FRY: variants seen among roughly 807,000 people sequenced by gnomAD.
FRY encodes the protein protein furry homolog.
Under a neutral mutation model 348.4 loss-of-function variants are expected in FRY, and 128 were observed. The ratio of observed to expected loss-of-function variants is 0.37; its 90% CI spans 0.32 to 0.43. FRY has a LOEUF of 0.43. FRY is among the 20% of genes least tolerant of loss of function. FRY has a pLI of 1.00. For missense variants in FRY, 2,736 were observed against 3,695.2 expected, an observed-to-expected ratio of 0.74 and a Z score of 6.73; for synonymous variants, 1,370 against 1,374.7, an observed-to-expected ratio of 1.00 and a Z score of 0.08.
chr13:32,232,694 G>T (rs1885984515), intron 41 of FRY, among the ~76,000 whole-genome samples: 1 of 152,174 alleles, frequency 6.6e-6, no homozygotes, highest in Non-Finnish European at 1.5e-5. Flanking sequence ...GCTTAAATGG[G>T]GTATCCAGTG....
At chr13:32,054,377 T>C (rs1593563776) in intron 1 of FRY, among the ~76,000 whole-genome samples, 1 of 152,174 alleles carries the variant, frequency 6.6e-6, no homozygotes, top group Admixed American at 6.5e-5. Flanking sequence ...TTACATCTTG[T>C]CTTTTGATTT....
At chr13:32,045,242 ATTG>A (rs1461283758) in intron 1 of FRY, among the ~76,000 whole-genome samples, 1 of 151,996 alleles carries the variant, frequency 6.6e-6, no homozygotes, top group African/African-American at 2.4e-5. Flanking sequence ...TCAACCCTTC[ATTG>A]TTGTTCATCC....
chr13:32,276,816 T>C (rs1888559399), intron 57 of FRY, among the ~76,000 whole-genome samples: 1 of 152,144 alleles, frequency 6.6e-6, no homozygotes, highest in Admixed American at 6.5e-5. Context: ...AAAAAATGGG[T>C]ATGTACTTGA....
intron 1 of FRY, among the ~76,000 whole-genome samples, chr13:32,070,003 G>C (rs1440926872): frequency 6.6e-6 from 1 of 151,984 alleles, no homozygotes; most frequent in Non-Finnish European, 1.5e-5. Context: ...TTAGAATGAT[G>C]GTTTCCACCG....
At chr13:32,124,171 A>C (rs1878878053) in intron 4 of FRY, 115 bp from the exon 5 acceptor site, 10 of 710,884 alleles carry the variant, frequency 1.4e-5, no homozygotes, top group Admixed American at 4.7e-5. Flanking sequence ...GCAATTATAT[A>C]ATTTTAAAAA....
intron 2 of FRY, among the ~76,000 whole-genome samples, chr13:32,079,926 A>G (rs1045900892): frequency 7.2e-5 from 11 of 152,364 alleles, no homozygotes; most frequent in Middle Eastern, 6.8e-3. Context: ...ATAATAACTT[A>G]AAATAATTAA....
At chr13:32,072,997 C>A (rs1874771595) in intron 1 of FRY, among the ~76,000 whole-genome samples, 1 of 152,126 alleles carries the variant, frequency 6.6e-6, no homozygotes, top group African/African-American at 2.4e-5. Context: ...TATTTGGTTA[C>A]CACATATAAT....
intron 17 of FRY, among the ~76,000 whole-genome samples, chr13:32,163,679 A>G (rs543509283): frequency 1.8e-4 from 28 of 152,264 alleles, no homozygotes; most frequent in Non-Finnish European, 1.3e-4. Flanking sequence ...CTATTTTGCT[A>G]TAAGTCTGAG....
At chr13:32,158,870 A>C (rs1881267127) in intron 16 of FRY, among the ~76,000 whole-genome samples, 1 of 147,256 alleles carries the variant, frequency 6.8e-6, no homozygotes, top group Non-Finnish European at 1.5e-5. Flanking sequence ...GTGAGCCAAG[A>C]TTGCACCACT....
intron 3 of FRY, among the ~76,000 whole-genome samples, chr13:32,102,960 C>A (rs940331580): frequency 6.6e-6 from 1 of 152,152 alleles, no homozygotes; most frequent in Non-Finnish European, 1.5e-5. Flanking sequence ...CACTTTCTGT[C>A]GGGCTTTGAA....
At chr13:32,189,236 G>A (rs765009058) in intron 28 of FRY, among the ~76,000 whole-genome samples, 2 of 151,946 alleles carry the variant, frequency 1.3e-5, no homozygotes, top group African/African-American at 2.4e-5. Context: ...CTCTGATAGC[G>A]GCTCTTTTCA....
intron 1 of FRY, among the ~76,000 whole-genome samples, chr13:32,067,351 G>GT (rs35445011): frequency 0.095 from 14,334 of 150,918 alleles, 1,344 homozygotes; most frequent in African/African-American, 0.24. Context: ...CTTTCAGTTC[G>GT]TTTTTTTTTC....
chr13:32,073,813 C>G (rs1355287322), intron 1 of FRY, among the ~76,000 whole-genome samples: 2 of 152,218 alleles, frequency 1.3e-5, no homozygotes, highest in African/African-American at 2.4e-5. Flanking sequence ...CCTGTAACAT[C>G]TACGCCACCA....
intron 1 of FRY, among the ~76,000 whole-genome samples, chr13:32,032,612 G>A (rs1872297779): frequency 6.6e-6 from 1 of 152,130 alleles, no homozygotes; most frequent in South Asian, 2.1e-4. Flanking sequence ...AAGGATTTTA[G>A]CAATACGCTA....
intron 11 of FRY, among the ~76,000 whole-genome samples, chr13:32,143,477 A>G (rs746838602): frequency 3.9e-5 from 6 of 152,212 alleles, no homozygotes; most frequent in Non-Finnish European, 7.3e-5. Flanking sequence ...TGCTAGAAAA[A>G]TGGTAGACAG....
At chr13:32,105,067 A>G (rs1277466141) in intron 3 of FRY, among the ~76,000 whole-genome samples, 3 of 152,216 alleles carry the variant, frequency 2.0e-5, no homozygotes. Flanking sequence ...CTGTAGATTC[A>G]GTGGGGAAAA....
intron 11 of FRY, among the ~76,000 whole-genome samples, chr13:32,146,665 C>A (rs1314953878): frequency 6.6e-6 from 1 of 152,100 alleles, no homozygotes; most frequent in African/African-American, 2.4e-5. Context: ...TGACCCCATT[C>A]CTTGAGTTTG....
chr13:32,114,668 A>T (rs1878187823), intron 3 of FRY, among the ~76,000 whole-genome samples: 1 of 152,208 alleles, frequency 6.6e-6, no homozygotes, highest in South Asian at 2.1e-4. Flanking sequence ...AATAATTAAG[A>T]TAGTCATCCT....
chr13:32,229,181 C>T (rs1885776363), intron 40 of FRY, among the ~76,000 whole-genome samples: 1 of 152,194 alleles, frequency 6.6e-6, no homozygotes, highest in Non-Finnish European at 1.5e-5. Flanking sequence ...ACTAATAAAT[C>T]AAAACCAAGA....
Sources: allele counts gnomAD v4.1 joint callset (sites outside exome capture counted in the v4.1 genomes callset), GRCh38; gene constraint gnomAD v4.1.1; transcripts MANE v1.5; gene names NCBI Gene and HGNC (gene_info 2026-07-23, HGNC 2026-07-21).